Variants in RSRC1 observed in about 807,000 individuals in gnomAD.
The protein encoded by RSRC1 is arginine and serine rich coiled-coil 1.
In RSRC1, 39 loss-of-function variants were observed where a neutral mutation model predicts 49.1. The observed-to-expected ratio is 0.79, with a 90% CI of 0.61 to 1.04. The LOEUF (loss-of-function observed/expected upper bound fraction) is 1.04. RSRC1 is among the 50% of genes least tolerant of loss of function. The pLI is 0.00. For synonymous variants in RSRC1, 143 were observed against 130.8 expected, an observed-to-expected ratio of 1.09 and a Z score of -0.63; for missense variants, 388 against 402.4, an observed-to-expected ratio of 0.96 and a Z score of 0.31.
Position 158,543,476 on chromosome 3 carries a change from G to T in RSRC1, c.901G>T (p.Ala301Ser), listed in dbSNP as rs1244585738. Residue 301 changes from alanine to serine, a missense_variant, in exon 9 of 10, where the codon GCC becomes TCC. Coordinates refer to ENST00000611884, the MANE Select transcript of RSRC1 (RefSeq NM_001271838.2). Reference sequence around the variant, plus strand: ...CAAGTACCAAGATGACAATTCCCTGGCCCATCCAAATGTAATATCCTTAAA... The same window carrying T: ...CAAGTACCAAGATGACAATTCCCTGTCCCATCCAAATGTAATATCCTTAAA... Reference protein sequence around the residue: ...AIKYQDDNSLAHPNLFIEKAD... With the variant: ...AIKYQDDNSLSHPNLFIEKAD... The T allele has an allele frequency of 1.2e-6, 2 of 1,601,982 alleles. No individual in the cohort carries two copies. The highest frequency in any genetic ancestry group is 1.1e-5 in the South Asian group (1 of 88,532).
chr3:158,503,014 A>G lies in RSRC1; in HGVS notation c.653-34078A>G, dbSNP rs191742737. Among the ~76,000 whole-genome samples, 709 of 152,220 alleles carry G rather than the reference A, an allele frequency of 4.7e-3. 8 individuals are homozygous for G. The highest frequency in any genetic ancestry group is 0.016 in the African/African-American group (679 of 41,560). On this transcript the variant is annotated intron_variant, in intron 7 of 9. Coordinates refer to ENST00000611884, the MANE Select transcript of RSRC1 (RefSeq NM_001271838.2). ...TGGTTAGAGAGGGAACCAGAAAACCAGCTCTGTCAGAGGGAAGGTCTAGGG... is the reference window on the plus strand; with the variant it reads ...TGGTTAGAGAGGGAACCAGAAAACCGGCTCTGTCAGAGGGAAGGTCTAGGG...
chr3:158,544,203 T>A lies in RSRC1; in HGVS notation c.933T>A (p.Asp311Glu). ...TTCAGTTATTTATCGAGAAAGCTGA[T>A]GCTGAGGAAAAATGGTTCAAGAGAT... ...AHPNLFIEKA[D>E]AEEKWFKRLI... Residue 311 changes from aspartate (D) to glutamate (E), a missense_variant, in exon 10 of 10, where the codon GAT becomes GAA. Physicochemically the swap from Asp to Glu is conservative, Grantham distance 45. Coordinates refer to ENST00000611884, the MANE Select transcript of RSRC1 (RefSeq NM_001271838.2). 6.2e-7 allele frequency: 1 copy of A among 1,612,118 alleles called. No homozygotes were observed. Among genetic ancestry groups the A allele is most frequent in the South Asian group, 1.1e-5 (1 of 91,018 alleles).
At chr3:158,452,814 T>C (rs1291996333) in intron 6 of RSRC1, among the ~76,000 whole-genome samples, 1 of 152,166 alleles carries the variant, frequency 6.6e-6, no homozygotes, top group Non-Finnish European at 1.5e-5. Context: ...TTGGAGTTCA[T>C]GTGTATTTTT....
intron 6 of RSRC1, among the ~76,000 whole-genome samples, chr3:158,452,928 T>C (rs1054002353): frequency 6.6e-6 from 1 of 152,190 alleles, no homozygotes; most frequent in African/African-American, 2.4e-5. Flanking sequence ...TCTCCATGCA[T>C]GCTTTCTGCC....
chr3:158,328,249 T>G (rs1685403794), intron 5 of RSRC1, among the ~76,000 whole-genome samples: 1 of 152,216 alleles, frequency 6.6e-6, no homozygotes, highest in African/African-American at 2.4e-5. Context: ...GTTAATATTG[T>G]TATGTGTGAA....
intron 3 of RSRC1, among the ~76,000 whole-genome samples, chr3:158,158,704 C>T (rs556947708): frequency 6.6e-6 from 1 of 152,184 alleles, no homozygotes; most frequent in African/African-American, 2.4e-5. Context: ...CTTTGGGAGG[C>T]TGAGGCAGGT....
chr3:158,326,208 G>C (rs1004432734), intron 5 of RSRC1, among the ~76,000 whole-genome samples: 3 of 152,114 alleles, frequency 2.0e-5, no homozygotes, highest in African/African-American at 7.2e-5. Context: ...TTTCCTAACT[G>C]AATACCCTTT....
At chr3:158,254,500 C>T (rs534716310) in intron 4 of RSRC1, among the ~76,000 whole-genome samples, 61 of 151,904 alleles carry the variant, frequency 4.0e-4, no homozygotes, top group Middle Eastern at 3.4e-3. Context: ...GGTGCGATCT[C>T]GGTGCACTGC....
intron 1 of RSRC1, among the ~76,000 whole-genome samples, chr3:158,117,038 C>G (rs1486561023): frequency 2.0e-5 from 3 of 152,120 alleles, no homozygotes; most frequent in Non-Finnish European, 4.4e-5. Context: ...TGTCTTTATT[C>G]TAATCTCGTA....
At chr3:158,149,211 C>G (rs1467714207) in intron 3 of RSRC1, among the ~76,000 whole-genome samples, 2 of 152,318 alleles carry the variant, frequency 1.3e-5, no homozygotes, top group East Asian at 3.9e-4. Flanking sequence ...TATAGTTGAG[C>G]ATACTGAATG....
intron 1 of RSRC1, among the ~76,000 whole-genome samples, chr3:158,114,804 CTGT>C (rs1188588795): frequency 6.6e-6 from 1 of 152,024 alleles, no homozygotes; most frequent in Non-Finnish European, 1.5e-5. Context: ...CTCTGCTTGT[CTGT>C]TGTTAGTGTA....
intron 7 of RSRC1, among the ~76,000 whole-genome samples, chr3:158,513,041 T>A (rs1454745956): frequency 1.3e-3 from 181 of 137,818 alleles, no homozygotes; most frequent in African/African-American, 3.5e-3. Flanking sequence ...TTTCTAGATA[T>A]ACAATCATGT....
intron 8 of RSRC1, among the ~76,000 whole-genome samples, chr3:158,542,520 G>A (rs1450213633): frequency 6.6e-6 from 1 of 152,202 alleles, no homozygotes; most frequent in Non-Finnish European, 1.5e-5. Flanking sequence ...GGGTGACAGA[G>A]TAAGACTCTG....
intron 6 of RSRC1, among the ~76,000 whole-genome samples, chr3:158,455,280 G>C (rs931206853): frequency 7.9e-5 from 12 of 152,014 alleles, no homozygotes; most frequent in Admixed American, 7.9e-4. Context: ...GCTACATATA[G>C]AAAACAACTT....
intron 7 of RSRC1, among the ~76,000 whole-genome samples, chr3:158,490,486 A>C (rs1739038105): frequency 1.3e-5 from 2 of 152,258 alleles, no homozygotes; most frequent in South Asian, 4.1e-4. Flanking sequence ...CACCGTGTGC[A>C]GAAAATAAAA....
chr3:158,461,028 C>G (rs1339640293), intron 7 of RSRC1, 25 bp downstream of exon 7: 1 of 1,540,244 alleles, frequency 6.5e-7, no homozygotes, highest in South Asian at 1.2e-5. Context: ...TCATTTTTCT[C>G]TGAGAAATCA....
At chr3:158,211,127 C>T (rs999563927) in intron 4 of RSRC1, among the ~76,000 whole-genome samples, 21 of 151,872 alleles carry the variant, frequency 1.4e-4, no homozygotes, top group African/African-American at 5.1e-4. Context: ...TTTAGTGGAC[C>T]CTTTGCAAGA....
rs1234911583 is a variant in RSRC1 at position 158,537,083 on chromosome 3, C to G, written c.653-9C>G. ...CCAAAATACGCTGACATTATACCCT[C>G]TTTTTCAGACCAAGCCACCCTGGTA... is the stretch of plus-strand genomic sequence containing the variant. On this transcript the variant is annotated splice_polypyrimidine_tract_variant and intron_variant, in intron 7 of 9. Transcript: ENST00000611884. The G allele has an allele frequency of 1.3e-6, 2 of 1,596,090 alleles. No homozygotes were observed. Among genetic ancestry groups the G allele is most frequent in the Admixed American group, 1.7e-5 (1 of 59,530 alleles).
In RSRC1 at chr3:158,517,755, A is replaced by ATTTTTTTT. The variant is rs766129663; in HGVS notation, c.653-19306_653-19299dup. On this transcript the variant is annotated intron_variant, in intron 7 of 9. Coordinates refer to ENST00000611884, the MANE Select transcript of RSRC1 (RefSeq NM_001271838.2). ...AGGTGTATACCACAACACCCAGCTA[A>ATTTTTTTT]TTTTTTTTTTTTTTTTTTTTTTTTT... Among the ~76,000 whole-genome samples, 115 of 35,130 alleles carry ATTTTTTTT rather than the reference A, an allele frequency of 3.3e-3. 11 individuals carry two copies. Among genetic ancestry groups the ATTTTTTTT allele is most frequent in the East Asian group, 7.7e-3 (7 of 914 alleles). 23.0% of individuals were successfully genotyped at this position (35,130 alleles called of 152,430 possible).
Sources: allele counts gnomAD v4.1 joint callset (sites outside exome capture counted in the v4.1 genomes callset), GRCh38; gene constraint gnomAD v4.1.1; transcripts MANE v1.5; gene names NCBI Gene and HGNC (gene_info 2026-07-23, HGNC 2026-07-21).